CSMD3: variants seen among roughly 807,000 people sequenced by gnomAD.
CSMD3 encodes CUB and sushi domain-containing protein 3.
Under a neutral mutation model 435.2 loss-of-function variants are expected in CSMD3, and 177 were observed. The observed-to-expected ratio is 0.41, with a 90% CI of 0.36 to 0.46. The LOEUF (loss-of-function observed/expected upper bound fraction) is 0.46. Ranked by LOEUF, CSMD3 falls within the 20% of genes least tolerant of loss-of-function variation. The probability of loss-of-function intolerance (pLI) is 0.34; values close to 1 mark genes in which losing one functional copy is unlikely to be tolerated. For missense variants in CSMD3, 4,265 were observed against 4,504.6 expected (o/e 0.95, Z 1.52); for synonymous variants, 1,656 against 1,520.5 (o/e 1.09, Z -2.07).
chr8:113,380,288 T>C (rs181768465), intron 1 of CSMD3, among the ~76,000 whole-genome samples: 5 of 151,632 alleles, frequency 3.3e-5, no homozygotes, highest in Admixed American at 2.6e-4. Context: ...ACACTTCTTT[T>C]CAATTAACTT....
rs920794610 is a variant in CSMD3 at position 112,225,046 on chromosome 8, G to A, written c.10965-116C>T. 20 of 1,036,066 alleles carry A rather than the reference G, an allele frequency of 1.9e-5. No individual in the cohort carries two copies. The African/African-American group carries it at 3.0e-4, about 15-fold the overall frequency. The allele number at this position is 1,036,066 out of a possible 1,614,324, so 64.2% of individuals were successfully genotyped here. Reference sequence around the variant, plus strand: ...AATGTAACTTAAAAATATTAATTGAGACATCATAAACACACTAAGTCAACT... The same window carrying A: ...AATGTAACTTAAAAATATTAATTGAAACATCATAAACACACTAAGTCAACT... On this transcript the variant is annotated intron_variant, in intron 70 of 70. Coordinates refer to ENST00000297405, the MANE Select transcript of CSMD3 (RefSeq NM_198123.2).
chr8:113,207,348 T>G (rs1045534694), intron 3 of CSMD3, among the ~76,000 whole-genome samples: 44 of 151,930 alleles, frequency 2.9e-4, no homozygotes, highest in Non-Finnish European at 1.3e-4. Context: ...TTCTGATCTT[T>G]TTTTCTCCCG....
At chr8:112,540,950 T>C (rs1826605458) in intron 27 of CSMD3, among the ~76,000 whole-genome samples, 1 of 152,140 alleles carries the variant, frequency 6.6e-6, no homozygotes, top group East Asian at 1.9e-4. Flanking sequence ...AAATGACAAA[T>C]GTTTGATATA....
chr8:113,076,564 A>G (rs1018138756), intron 5 of CSMD3, among the ~76,000 whole-genome samples: 2 of 152,054 alleles, frequency 1.3e-5, no homozygotes, highest in Non-Finnish European at 2.9e-5. Context: ...AAATCTCTTA[A>G]TTAAGATTAC....
intron 11 of CSMD3, among the ~76,000 whole-genome samples, chr8:112,837,924 G>A (rs115494565): frequency 0.011 from 1,699 of 151,786 alleles, 31 homozygotes; most frequent in African/African-American, 0.038. Context: ...CAAATACCAC[G>A]TTACACAATC....
At chr8:112,522,906 C>A (rs79396629) in intron 27 of CSMD3, among the ~76,000 whole-genome samples, 1 of 151,672 alleles carries the variant, frequency 6.6e-6, no homozygotes, top group Admixed American at 6.6e-5. Context: ...TTTCACAAGC[C>A]GAGCTGGTGC....
chr8:112,327,055 T>G (rs1823584880), intron 45 of CSMD3, among the ~76,000 whole-genome samples: 1 of 151,976 alleles, frequency 6.6e-6, no homozygotes. Context: ...AATAAATAAA[T>G]TGGATATCCT....
intron 27 of CSMD3, among the ~76,000 whole-genome samples, chr8:112,536,621 G>A (rs1402965412): frequency 6.6e-6 from 1 of 152,066 alleles, no homozygotes; most frequent in Non-Finnish European, 1.5e-5. Flanking sequence ...CAATTCCTCA[G>A]GGATCTAGAA....
chr8:113,330,223 G>A (rs145508698), intron 1 of CSMD3, among the ~76,000 whole-genome samples: 1 of 152,024 alleles, frequency 6.6e-6, no homozygotes, highest in African/African-American at 2.4e-5. Flanking sequence ...TGTCTGTTTT[G>A]GAAATTAAGT....
intron 10 of CSMD3, among the ~76,000 whole-genome samples, chr8:112,874,934 T>G (rs2130101218): frequency 6.6e-6 from 1 of 152,234 alleles, no homozygotes; most frequent in Non-Finnish European, 1.5e-5. Context: ...GTTAATATTG[T>G]TATGTGTTAA....
intron 7 of CSMD3, among the ~76,000 whole-genome samples, chr8:112,955,231 T>C (rs981209765): frequency 4.0e-4 from 61 of 151,824 alleles, no homozygotes; most frequent in South Asian, 1.7e-3. Flanking sequence ...AATGACTTAA[T>C]TAGAAAAGTT....
intron 45 of CSMD3, among the ~76,000 whole-genome samples, chr8:112,324,027 C>A (rs1290635053): frequency 1.3e-5 from 2 of 151,882 alleles, no homozygotes; most frequent in African/African-American, 4.8e-5. Context: ...GATAAATAAA[C>A]CTCATTTTGA....
intron 13 of CSMD3, among the ~76,000 whole-genome samples, chr8:112,738,759 G>T (rs534541641): frequency 6.6e-6 from 1 of 151,544 alleles, no homozygotes; most frequent in Non-Finnish European, 1.5e-5. Flanking sequence ...TTTTACCATT[G>T]CAATTAAAAC....
chr8:112,403,070 T>G (rs1336736295), intron 35 of CSMD3, among the ~76,000 whole-genome samples: 2 of 152,146 alleles, frequency 1.3e-5, no homozygotes, highest in African/African-American at 4.8e-5. Flanking sequence ...GGCGGAACAT[T>G]AAGTCCAGCT....
rs535196589 is a variant in CSMD3 at position 113,347,940 on chromosome 8, C to T, written c.179-33147G>A. ...TAATTATATTTTCCAGGAGTGAATACCTCCAAGAAAAAAATAAATCATTAA... is the reference window on the plus strand; with the variant it reads ...TAATTATATTTTCCAGGAGTGAATATCTCCAAGAAAAAAATAAATCATTAA... On this transcript the variant is annotated intron_variant, in intron 1 of 70. Coordinates refer to ENST00000297405, the MANE Select transcript of CSMD3 (RefSeq NM_198123.2). Among the ~76,000 whole-genome samples, 313 of 151,976 alleles carry T rather than the reference C, an allele frequency of 2.1e-3. 1 individual carries two copies. The highest frequency in any genetic ancestry group is 7.1e-3 in the African/African-American group (295 of 41,436).
intron 1 of CSMD3, among the ~76,000 whole-genome samples, chr8:113,351,075 C>T (rs1314416879): frequency 6.6e-6 from 1 of 152,136 alleles, no homozygotes; most frequent in Non-Finnish European, 1.5e-5. Flanking sequence ...TCACTGTAGC[C>T]TTCACCACAC....
chr8:112,408,512 A>G, intron 33 of CSMD3, 99 bp from the exon 34 acceptor site: 2 of 831,516 alleles, frequency 2.4e-6, no homozygotes, highest in South Asian at 1.4e-5. Context: ...GAAAATGTCA[A>G]TCTATGTTCT....
intron 66 of CSMD3, among the ~76,000 whole-genome samples, chr8:112,238,336 T>C (rs1446488223): frequency 6.6e-6 from 1 of 152,032 alleles, no homozygotes; most frequent in Non-Finnish European, 1.5e-5. Flanking sequence ...ATCACACTTC[T>C]TACCAGTCAG....
At chr8:112,303,645 T>C (rs1052148727) in intron 52 of CSMD3, among the ~76,000 whole-genome samples, 2 of 152,110 alleles carry the variant, frequency 1.3e-5, no homozygotes, top group African/African-American at 4.8e-5. Context: ...TAGAAATATA[T>C]TTTTAATACT....
Sources: gnomAD v4.1 joint callset for allele counts (sites outside exome capture counted in the v4.1 genomes callset) on GRCh38, gnomAD v4.1.1 for gene constraint, MANE v1.5 for transcripts, NCBI Gene and HGNC (gene_info 2026-07-23, HGNC 2026-07-21) for gene names.